Variants in EI24 observed in about 807,000 individuals in gnomAD.
EI24 encodes EI24 autophagy associated transmembrane protein, also known as etoposide-induced protein 2.4 homolog.
In EI24, 21 loss-of-function variants were observed where a neutral mutation model predicts 48.6. The observed-to-expected ratio is 0.43, with a 90% CI of 0.31 to 0.62. EI24 has a LOEUF of 0.62. Among genes scored for constraint, EI24 ranks in the 20% least tolerant of loss-of-function variants. The pLI, the probability that EI24 is intolerant of heterozygous loss-of-function variation, is 0.10. For missense variants in EI24, 280 were observed against 410.5 expected (o/e 0.68, Z 2.75); for synonymous variants, 114 against 145.5 (o/e 0.78, Z 1.56).
At chr11:125,572,658 G>T in intron 2 of EI24, 89 bp downstream of exon 2, 2 of 1,269,610 alleles carry the variant, frequency 1.6e-6, no homozygotes, top group South Asian at 1.3e-5. Flanking sequence ...AGGGTTTTTG[G>T]AACTTTTATC....
At position 125,575,422 on chromosome 11, in the gene EI24, G is replaced by A; in HGVS notation, c.188+14G>A. On this transcript the variant is annotated intron_variant, in intron 3 of 10. Transcript: ENST00000278903. ...GAAGCAAGAGAGGTAAGGAGTGCAT[G>A]CCTGATATCAAAATGTCCAAGGGAG... The A allele has an allele frequency of 6.4e-7, 1 of 1,560,988 alleles. No individual in the cohort carries two copies. Among genetic ancestry groups the A allele is most frequent in the Non-Finnish European group, 8.7e-7 (1 of 1,145,968 alleles).
Position 125,575,698 on chromosome 11 carries a change from C to A in EI24, c.188+290C>A, listed in dbSNP as rs189787530. The stretch of plus-strand genomic sequence containing the variant: ...TATGTATTAATAGAAGAACCCTGGC[C>A]CCACACTTTCTCTTAATCTTTTCCA... On this transcript the variant is annotated intron_variant, in intron 3 of 10. Transcript: ENST00000278903. 21 of 243,374 alleles carry A rather than the reference C, an allele frequency of 8.6e-5. No homozygotes were observed. The East Asian group carries it at 1.7e-3, about 20-fold the overall frequency. The allele number at this position is 243,374 out of a possible 1,614,324, so 15.1% of individuals were successfully genotyped here.
intron 9 of EI24, 125 bp downstream of exon 9, chr11:125,581,447 G>A (rs920634841): frequency 4.1e-6 from 2 of 489,120 alleles, no homozygotes; most frequent in Non-Finnish European, 7.3e-6. Context: ...AGACCTGCAG[G>A]GTATTTCTAC....
rs1312938531 is a variant in EI24 at position 125,575,421 on chromosome 11, T to A, written c.188+13T>A. On this transcript the variant is annotated intron_variant, in intron 3 of 10. Coordinates refer to ENST00000278903, the MANE Select transcript of EI24 (RefSeq NM_004879.5). ...GGAAGCAAGAGAGGTAAGGAGTGCA[T>A]GCCTGATATCAAAATGTCCAAGGGA... 2 of 1,562,766 alleles carry A rather than the reference T, an allele frequency of 1.3e-6. No homozygotes were observed. Among genetic ancestry groups the A allele is most frequent in the Admixed American group, 1.8e-5 (1 of 55,746 alleles).
chr11:125,574,296 T>C (rs1484145126), intron 2 of EI24, among the ~76,000 whole-genome samples: 4 of 152,108 alleles, frequency 2.6e-5, no homozygotes, highest in Non-Finnish European at 5.9e-5. Flanking sequence ...TACAGTGTGC[T>C]ATTTACATGT....
rs1938936670 is a variant in EI24, at chr11:125,580,199, A to G, written c.668A>G (p.Asn223Ser). 6.2e-7 allele frequency: 1 copy of G among 1,608,276 alleles called. No individual in the cohort carries two copies. The highest frequency in any genetic ancestry group is 2.2e-5 in the East Asian group (1 of 44,846). Residue 223 changes from asparagine (N) to serine (S), a missense_variant, in exon 8 of 11, where the codon AAT (asparagine) becomes AGT (serine). Transcript: ENST00000278903. ...TACTGCTTTGAATATCGTTGGTTCA[A>G]TAAAGGTAAGTCCATCTAAAGAAAT... Reference protein sequence around the residue: ...SLYCFEYRWFNKGIEMHQRLS... With the variant: ...SLYCFEYRWFSKGIEMHQRLS...
At chr11:125,576,564 C>G (rs1219653138) in intron 4 of EI24, among the ~76,000 whole-genome samples, 1 of 152,184 alleles carries the variant, frequency 6.6e-6, no homozygotes, top group African/African-American at 2.4e-5. Flanking sequence ...GACTCATTCA[C>G]AAGTATTAGA....
In EI24 at chr11:125,583,911, C is replaced by T. The variant is rs576928991; in HGVS notation, c.*228C>T. The T allele has an allele frequency of 3.6e-5, 20 of 561,542 alleles. No individual in the cohort carries two copies. The African/African-American group carries it at 3.8e-4, about 11-fold the overall frequency. The allele number at this position is 561,542 out of a possible 1,614,324, so 34.8% of individuals were successfully genotyped here. ...AACATCACCGTGAGTCTGAAAGGAC[C>T]ACAGGTTTTTCTGCAGCTATTTTCT... is the stretch of plus-strand genomic sequence containing the variant. On this transcript the variant is annotated 3_prime_UTR_variant, in exon 11 of 11. Transcript: ENST00000278903.
chr11:125,580,559 G>T (rs1591360172), intron 8 of EI24, among the ~76,000 whole-genome samples: 1 of 152,170 alleles, frequency 6.6e-6, no homozygotes. Context: ...ATTTACCAGG[G>T]TGTGCGTGGT....
chr11:125,578,997 T>G lies in EI24; in HGVS notation c.490T>G (p.Phe164Val). Residue 164 changes from phenylalanine to valine, a missense_variant, in exon 7 of 11, where the codon TTC becomes GTC. This residue lies in a region of EI24 where 204 missense variants were observed against 294.1 expected (regional missense o/e 0.69). Transcript: ENST00000278903. ...FEVSGRKPHP[F>V]PSVSKIIADM... is the part of the protein sequence containing the mutation. Reference sequence around the variant, plus strand: ...GGTATCAGGGAGGAAGCCTCACCCATTCCCTAGTGTCAGCAAAATAATTGC... The same window carrying G: ...GGTATCAGGGAGGAAGCCTCACCCAGTCCCTAGTGTCAGCAAAATAATTGC... 6.3e-7 allele frequency: 1 copy of G among 1,591,372 alleles called. No homozygotes were observed. The highest frequency in any genetic ancestry group is 8.6e-7 in the Non-Finnish European group (1 of 1,167,912).
chr11:125,570,101 C>T (rs966198848), intron 1 of EI24: 1 of 152,168 alleles, frequency 6.6e-6, no homozygotes, highest in African/African-American at 2.4e-5. Context: ...TTTGTATTTC[C>T]AGGTTTGAGA....
At chr11:125,574,865 G>A (rs571028538) in intron 2 of EI24, 7 of 152,450 alleles carry the variant, frequency 4.6e-5, no homozygotes, top group African/African-American at 1.7e-4. Context: ...TGGTTTACTT[G>A]TGTGCTTTTC....
chr11:125,582,237 C>A, intron 9 of EI24, 109 bp from the exon 10 acceptor site: 2 of 1,001,190 alleles, frequency 2.0e-6, no homozygotes, highest in Non-Finnish European at 2.8e-6. Flanking sequence ...TTTCATCAAG[C>A]CATAATGTTT....
chr11:125,578,928 G>A (rs751929421), intron 6 of EI24, 21 bp from the exon 7 acceptor site: 10 of 1,560,092 alleles, frequency 6.4e-6, no homozygotes, highest in Non-Finnish European at 8.7e-6. Flanking sequence ...TTCATGTTTT[G>A]GTACACTTTC....
chr11:125,580,231 A>C, intron 8 of EI24, 27 bp downstream of exon 8: 2 of 1,522,706 alleles, frequency 1.3e-6, no homozygotes, highest in Non-Finnish European at 1.8e-6. Flanking sequence ...AAATCCAGAA[A>C]ATGGAGGCCC....
At chr11:125,572,352 A>G (rs887912623) in intron 1 of EI24, 106 bp from the exon 2 acceptor site, 8 of 629,926 alleles carry the variant, frequency 1.3e-5, no homozygotes, top group South Asian at 3.9e-5. Context: ...ATCTACTGCT[A>G]TCTTACTAGA....
chr11:125,581,036 C>A (rs867813998), intron 8 of EI24, 175 bp from the exon 9 acceptor site: 3 of 172,790 alleles, frequency 1.7e-5, no homozygotes, highest in African/African-American at 7.2e-5. Context: ...GAGATTGCAC[C>A]ACCGCACTCC....
chr11:125,569,803 C>A, intron 1 of EI24: 1 of 266,584 alleles, frequency 3.8e-6, no homozygotes, highest in Non-Finnish European at 7.1e-6. Context: ...CCGGAGCGTG[C>A]GTGATCCGCA....
At chr11:125,572,995 A>G (rs2135849742) in intron 2 of EI24, among the ~76,000 whole-genome samples, 1 of 152,282 alleles carries the variant, frequency 6.6e-6, no homozygotes, top group South Asian at 2.1e-4. Context: ...GTTCAGTACT[A>G]TCACCTAAAC....
Sources: gnomAD v4.1 joint callset for allele counts (sites outside exome capture counted in the v4.1 genomes callset) on GRCh38, gnomAD v4.1.1 for gene constraint, gnomAD v4.1.1 regional missense constraint, MANE v1.5 for transcripts, NCBI Gene and HGNC (gene_info 2026-07-23, HGNC 2026-07-21) for gene names.